LHFPL3: variants seen among roughly 807,000 people sequenced by gnomAD.
The protein encoded by LHFPL3 is LHFPL tetraspan subfamily member 3 protein.
A neutral mutation model predicts 19.3 loss-of-function variants in LHFPL3; 5 were observed. That is an observed-to-expected ratio of 0.26 (90% CI 0.14 to 0.54). LHFPL3 has a LOEUF of 0.54. LHFPL3 is among the 20% of genes least tolerant of loss of function. The pLI is 0.94. For synonymous variants in LHFPL3, 133 were observed against 126.2 expected (o/e 1.05, Z -0.36); for missense variants, 249 against 307.4 (o/e 0.81, Z 1.42).
In LHFPL3 at chr7:104,660,560, G is replaced by A. The variant is rs188038421; in HGVS notation, c.446-76115G>A. ...CTTTAGCAGAAGGTACATGATTTGGGTGTCAGAGAGAGTTAGAAAGTTGCT... is the reference window on the plus strand; with the variant it reads ...CTTTAGCAGAAGGTACATGATTTGGATGTCAGAGAGAGTTAGAAAGTTGCT... On this transcript the variant is annotated intron_variant, in intron 1 of 2. Transcript: ENST00000424859. Among the ~76,000 whole-genome samples the A allele has an allele frequency of 4.3e-4, 66 of 152,330 alleles. 1 individual carries two copies. Among genetic ancestry groups the A allele is most frequent in the African/African-American group, 1.5e-3 (64 of 41,574 alleles).
chr7:104,754,646 A>G (rs1794248901), intron 2 of LHFPL3, among the ~76,000 whole-genome samples: 1 of 152,252 alleles, frequency 6.6e-6, no homozygotes, highest in African/African-American at 2.4e-5. Context: ...TTAGTATTCA[A>G]TAAATGTTAG....
At chr7:104,902,831 G>T (rs1792517428) in intron 2 of LHFPL3, among the ~76,000 whole-genome samples, 1 of 152,122 alleles carries the variant, frequency 6.6e-6, no homozygotes, top group African/African-American at 2.4e-5. Context: ...TCTAATGAGG[G>T]ATTTGGCCAT....
rs138355730 is a variant in LHFPL3 at position 104,417,357 on chromosome 7, C to T, written c.445+88133C>T. 3.5e-3 allele frequency among the ~76,000 whole-genome samples: 540 copies of T among 152,234 alleles called. 2 individuals carry two copies. Among genetic ancestry groups the T allele is most frequent in the African/African-American group, 0.012 (509 of 41,528 alleles). ...ACAGATAGATAGTATGCCAGTGTCC[C>T]TGTTTCATCATATTCCCAATATTAA... On this transcript the variant is annotated intron_variant, in intron 1 of 2. Coordinates refer to ENST00000424859, the MANE Select transcript of LHFPL3 (RefSeq NM_199000.3).
rs972738016 is a variant in LHFPL3, at chr7:104,519,213, G to T, written c.445+189989G>T. Among the ~76,000 whole-genome samples the T allele has an allele frequency of 3.3e-5, 5 of 152,214 alleles. No homozygotes were observed. In the South Asian group the frequency reaches 8.3e-4, roughly 25 times the overall value. On this transcript the variant is annotated intron_variant, in intron 1 of 2. Transcript: ENST00000424859. ...ATAACAACATAAGCTGAAAAATGGT[G>T]TTAGAGTGGGATTTTCAGCTAGGAT...
intron 1 of LHFPL3, among the ~76,000 whole-genome samples, chr7:104,559,707 C>T (rs1789942520): frequency 6.6e-6 from 1 of 152,082 alleles, no homozygotes; most frequent in African/African-American, 2.4e-5. Context: ...GCCAGAACTT[C>T]CAACACTATG....
chr7:104,345,537 G>A (rs1790048658), intron 1 of LHFPL3, among the ~76,000 whole-genome samples: 1 of 152,008 alleles, frequency 6.6e-6, no homozygotes, highest in Non-Finnish European at 1.5e-5. Context: ...TTTTGAGCAG[G>A]AATTGCCTGC....
At chr7:104,575,763 C>T (rs1790327240) in intron 1 of LHFPL3, among the ~76,000 whole-genome samples, 1 of 152,028 alleles carries the variant, frequency 6.6e-6, no homozygotes, top group African/African-American at 2.4e-5. Context: ...CCTCCCACCT[C>T]AGCCTCCCAA....
At chr7:104,486,497 G>GTT (rs1793239998) in intron 1 of LHFPL3, among the ~76,000 whole-genome samples, 1 of 152,162 alleles carries the variant, frequency 6.6e-6, no homozygotes, top group Non-Finnish European at 1.5e-5. Flanking sequence ...TACTGGTGAT[G>GTT]CTTTCTGGCT....
intron 2 of LHFPL3, among the ~76,000 whole-genome samples, chr7:104,842,897 G>T (rs1791239716): frequency 6.6e-6 from 1 of 152,184 alleles, no homozygotes; most frequent in African/African-American, 2.4e-5. Context: ...TTTTGCCTGA[G>T]CAACATTCTG....
At chr7:104,752,223 G>A (rs1452143365) in intron 2 of LHFPL3, among the ~76,000 whole-genome samples, 6 of 152,048 alleles carry the variant, frequency 3.9e-5, no homozygotes, top group African/African-American at 1.4e-4. Context: ...ATCACCTCCT[G>A]TAATTGATTA....
chr7:104,806,774 A>G (rs1196049842), intron 2 of LHFPL3, among the ~76,000 whole-genome samples: 2 of 152,228 alleles, frequency 1.3e-5, no homozygotes, highest in African/African-American at 2.4e-5. Flanking sequence ...TGAAATGATC[A>G]AAGGGAACCC....
intron 1 of LHFPL3, among the ~76,000 whole-genome samples, chr7:104,622,325 C>T (rs1791461306): frequency 6.6e-6 from 1 of 152,138 alleles, no homozygotes. Context: ...GTGGCCCAGG[C>T]TTGTCTTGAA....
chr7:104,329,309 G>A (rs1801525098), intron 1 of LHFPL3, 85 bp downstream of exon 1: 8 of 1,470,836 alleles, frequency 5.4e-6, no homozygotes, highest in African/African-American at 1.4e-5. Context: ...GACGGGGGCT[G>A]TGCGCGCCGC....
chr7:104,845,388 G>A (rs1263888434), intron 2 of LHFPL3: 1 of 1,531,040 alleles, frequency 6.5e-7, no homozygotes, highest in East Asian at 2.4e-5. Context: ...TCAGATGATG[G>A]AAATGCTTAA....
At chr7:104,481,177 C>A (rs879802664) in intron 1 of LHFPL3, among the ~76,000 whole-genome samples, 1 of 152,178 alleles carries the variant, frequency 6.6e-6, no homozygotes, top group Non-Finnish European at 1.5e-5. Flanking sequence ...CATGGCTCCT[C>A]CTAAGTTCAT....
chr7:104,735,676 A>G (rs1257070777), intron 1 of LHFPL3, among the ~76,000 whole-genome samples: 1 of 152,250 alleles, frequency 6.6e-6, no homozygotes, highest in Non-Finnish European at 1.5e-5. Flanking sequence ...AGGTGAGGCA[A>G]TGCATCGCCC....
chr7:104,385,585 T>G (rs555355925), intron 1 of LHFPL3, among the ~76,000 whole-genome samples: 12 of 152,324 alleles, frequency 7.9e-5, no homozygotes, highest in African/African-American at 2.9e-4. Context: ...TGGTGACACC[T>G]GAGTTCCCTG....
At chr7:104,503,886 G>A (rs1420043048) in intron 1 of LHFPL3, among the ~76,000 whole-genome samples, 1 of 152,050 alleles carries the variant, frequency 6.6e-6, no homozygotes, top group Non-Finnish European at 1.5e-5. Flanking sequence ...TTTTTCTTAA[G>A]TCCACCCAAC....
In LHFPL3 at chr7:104,575,584, A is replaced by C. The variant is rs1024349208; in HGVS notation, c.446-161091A>C. On this transcript the variant is annotated intron_variant, in intron 1 of 2. Transcript: ENST00000424859. ...TAAAAAAAAAAAAAAAAAAAAAAAA[A>C]AACAGAAACAAGCAACCTGCCCAGA... Among the ~76,000 whole-genome samples, 22 of 148,246 alleles carry C rather than the reference A, an allele frequency of 1.5e-4. 1 individual carries two copies. Among genetic ancestry groups the C allele is most frequent in the Non-Finnish European group, 3.0e-5 (2 of 67,502 alleles).
Sources: allele counts gnomAD v4.1 joint callset (sites outside exome capture counted in the v4.1 genomes callset), GRCh38; gene constraint gnomAD v4.1.1; transcripts MANE v1.5; gene names NCBI Gene and HGNC (gene_info 2026-07-23, HGNC 2026-07-21).